ATP6V0D1: variants seen among roughly 807,000 people sequenced by gnomAD.
ATP6V0D1 encodes V-type proton ATPase subunit d 1.
A neutral mutation model predicts 39.0 loss-of-function variants in ATP6V0D1; 13 were observed. The observed-to-expected ratio is 0.33, with a 90% CI of 0.22 to 0.53. ATP6V0D1 has a LOEUF of 0.53. ATP6V0D1 is among the 20% of genes least tolerant of loss of function. The pLI is 0.94. For synonymous variants in ATP6V0D1, 191 were observed against 191.2 expected (o/e 1.00, Z 0.01); for missense variants, 272 against 470.9 (o/e 0.58, Z 3.91).
At chr16:67,473,554 C>T (rs1392074395) in intron 1 of ATP6V0D1, among the ~76,000 whole-genome samples, 1 of 151,650 alleles carries the variant, frequency 6.6e-6, no homozygotes, top group Non-Finnish European at 1.5e-5. Flanking sequence ...GACAGAGTCT[C>T]GCTCAGTCGC....
intron 1 of ATP6V0D1, among the ~76,000 whole-genome samples, chr16:67,474,244 C>T (rs1008338612): frequency 2.0e-5 from 3 of 152,180 alleles, no homozygotes; most frequent in African/African-American, 7.2e-5. Context: ...TGGTCCCAGG[C>T]CCTGTGCTTA....
chr16:67,464,142 T>C (rs1237762031), intron 1 of ATP6V0D1, among the ~76,000 whole-genome samples: 4 of 152,146 alleles, frequency 2.6e-5, no homozygotes, highest in African/African-American at 9.7e-5. Flanking sequence ...CTCATCTGTA[T>C]TCATCAGCTC....
chr16:67,439,417 C>G, intron 4 of ATP6V0D1, 66 bp from the exon 5 acceptor site: 1 of 1,473,730 alleles, frequency 6.8e-7, no homozygotes, highest in Non-Finnish European at 9.4e-7. Flanking sequence ...TAGGCACAAG[C>G]CCTCACAGCT....
intron 1 of ATP6V0D1, among the ~76,000 whole-genome samples, chr16:67,465,757 G>A (rs2041323990): frequency 6.6e-6 from 1 of 152,200 alleles, no homozygotes; most frequent in Admixed American, 6.5e-5. Flanking sequence ...AGGGAGGTGA[G>A]GATGGGTAGA....
At chr16:67,469,635 C>A (rs756493197) in intron 1 of ATP6V0D1, among the ~76,000 whole-genome samples, 1 of 152,152 alleles carries the variant, frequency 6.6e-6, no homozygotes, top group East Asian at 1.9e-4. Context: ...CCCCACAATG[C>A]GAAACAAAAC....
chr16:67,471,789 A>G (rs1291354107), intron 1 of ATP6V0D1, among the ~76,000 whole-genome samples: 1 of 151,212 alleles, frequency 6.6e-6, no homozygotes, highest in Non-Finnish European at 1.5e-5. Context: ...TTCCCACCTC[A>G]GCCTCCCATA....
At chr16:67,459,275 C>T (rs2142320540) in intron 1 of ATP6V0D1, 5 of 985,382 alleles carry the variant, frequency 5.1e-6, no homozygotes, top group Middle Eastern at 5.2e-4. Flanking sequence ...GAAGACACAC[C>T]CCCAGCCTGG....
intron 1 of ATP6V0D1, among the ~76,000 whole-genome samples, chr16:67,472,276 G>A (rs910475187): frequency 6.6e-6 from 1 of 152,182 alleles, no homozygotes; most frequent in Non-Finnish European, 1.5e-5. Flanking sequence ...CTTCAGGCTT[G>A]TGTGGGGTCC....
intron 2 of ATP6V0D1, chr16:67,452,379 G>A (rs1490398335): frequency 6.5e-7 from 1 of 1,535,648 alleles, no homozygotes. Flanking sequence ...GGAGCCCTTT[G>A]GCTGCAGCAC....
At chr16:67,443,791 A>G (rs1335907325) in intron 3 of ATP6V0D1, among the ~76,000 whole-genome samples, 3 of 152,212 alleles carry the variant, frequency 2.0e-5, no homozygotes, top group Non-Finnish European at 4.4e-5. Context: ...ACCAGCTCAG[A>G]GTTGCTGGGA....
In ATP6V0D1 at chr16:67,439,285, G is replaced by A. The variant is rs1480533076; in HGVS notation, c.628C>T (p.Pro210Ser). ...GGGCAGGCACTCACCTCCAGGATGGGGCACATGGCATCAGCCGTAGTCCCG... is the reference window on the plus strand; with the variant it reads ...GGGCAGGCACTCACCTCCAGGATGGAGCACATGGCATCAGCCGTAGTCCCG... ...LGGTTADAMC[P>S]ILEFEADRRA... Residue 210 changes from proline to serine, a missense_variant, in exon 5 of 8, where the codon CCC becomes TCC. Around this residue, in one of 4 missense-constraint regions of ATP6V0D1, gnomAD observed 135 missense variants for 273.8 expected, o/e 0.49. Transcript: ENST00000290949. The A allele has an allele frequency of 1.9e-6, 3 of 1,614,104 alleles. No individual in the cohort carries two copies. The highest frequency in any genetic ancestry group is 2.2e-5 in the South Asian group (2 of 91,072).
chr16:67,478,545 T>C (rs1289387131), intron 1 of ATP6V0D1, among the ~76,000 whole-genome samples: 1 of 143,612 alleles, frequency 7.0e-6, no homozygotes, highest in Non-Finnish European at 1.5e-5. Context: ...ACTGGTGAGG[T>C]GGAGGTTGCA....
At chr16:67,451,117 G>A (rs2041174780) in intron 2 of ATP6V0D1, among the ~76,000 whole-genome samples, 1 of 152,170 alleles carries the variant, frequency 6.6e-6, no homozygotes, top group African/African-American at 2.4e-5. Context: ...CTGGCTAAGA[G>A]GGTGAGCATG....
chr16:67,480,876 C>G lies in ATP6V0D1; in HGVS notation c.130+81G>C, dbSNP rs369567811. On this transcript the variant is annotated intron_variant, in intron 1 of 7. Coordinates refer to ENST00000290949, the MANE Select transcript of ATP6V0D1 (RefSeq NM_004691.5). Reference sequence around the variant, plus strand: ...GCCTCTCAGGCCCTTCAAGACCCCCCCTTCCGGCTTCCCGGCCTACACCTC... The same window carrying G: ...GCCTCTCAGGCCCTTCAAGACCCCCGCTTCCGGCTTCCCGGCCTACACCTC... 2,713 of 1,558,216 alleles carry G rather than the reference C, an allele frequency of 1.7e-3. 68 individuals carry two copies. In the South Asian group the frequency reaches 0.03, roughly 17 times the overall value.
chr16:67,472,202 C>A (rs1015932227), intron 1 of ATP6V0D1, among the ~76,000 whole-genome samples: 1 of 152,316 alleles, frequency 6.6e-6, no homozygotes, highest in Middle Eastern at 3.4e-3. Flanking sequence ...CGCCACTGAG[C>A]ACTGGGGTCC....
At chr16:67,461,775 G>A (rs963924589) in intron 1 of ATP6V0D1, among the ~76,000 whole-genome samples, 14 of 152,154 alleles carry the variant, frequency 9.2e-5, no homozygotes, top group African/African-American at 3.4e-4. Context: ...AGGGGCCAGC[G>A]GCACCGACCA....
intron 2 of ATP6V0D1, among the ~76,000 whole-genome samples, chr16:67,448,336 G>T (rs959701262): frequency 6.6e-6 from 1 of 151,624 alleles, no homozygotes; most frequent in Admixed American, 6.6e-5. Flanking sequence ...CTGGGCAACA[G>T]AGCAAGATCC....
chr16:67,439,908 A>G (rs2142295515), intron 4 of ATP6V0D1: 1 of 156,200 alleles, frequency 6.4e-6, no homozygotes, highest in South Asian at 2.0e-4. Flanking sequence ...AATCCCAGCT[A>G]CTCGGGAGAC....
At chr16:67,472,440 T>A (rs1302669225) in intron 1 of ATP6V0D1, among the ~76,000 whole-genome samples, 1 of 152,234 alleles carries the variant, frequency 6.6e-6, no homozygotes, top group East Asian at 1.9e-4. Context: ...TACCATGTCA[T>A]CTCTTCCTTT....
Sources: gnomAD v4.1 joint callset for allele counts (sites outside exome capture counted in the v4.1 genomes callset) on GRCh38, gnomAD v4.1.1 for gene constraint, gnomAD v4.1.1 regional missense constraint, MANE v1.5 for transcripts, NCBI Gene and HGNC (gene_info 2026-07-23, HGNC 2026-07-21) for gene names.